The following FSTL5 variants were observed in gnomAD, a reference collection of about 807,000 sequenced individuals.
The protein encoded by FSTL5 is follistatin-related protein 5.
In FSTL5, 62 loss-of-function variants were observed where a neutral mutation model predicts 89.1. The ratio of observed to expected loss-of-function variants is 0.70; its 90% CI spans 0.57 to 0.86. The LOEUF is 0.86. Ranked by LOEUF, FSTL5 falls within the 40% of genes least tolerant of loss-of-function variation. The pLI is 0.00. For synonymous variants in FSTL5, 383 were observed against 346.2 expected, an observed-to-expected ratio of 1.11 and a Z score of -1.18; for missense variants, 1,057 against 1,001.6, an observed-to-expected ratio of 1.06 and a Z score of -0.75.
intron 8 of FSTL5, among the ~76,000 whole-genome samples, chr4:161,575,611 G>C (rs553204938): frequency 1.3e-5 from 2 of 151,910 alleles, no homozygotes; most frequent in Admixed American, 6.6e-5. Flanking sequence ...CTGCTACTGC[G>C]CCTGGCTAAT....
At chr4:161,945,613 G>A (rs138530262) in intron 3 of FSTL5, among the ~76,000 whole-genome samples, 257 of 152,230 alleles carry the variant, frequency 1.7e-3, no homozygotes, top group African/African-American at 5.1e-3. Flanking sequence ...TTAGCCGGGC[G>A]TAGTGGCATG....
At chr4:161,748,602 G>A (rs1194675962) in intron 6 of FSTL5, among the ~76,000 whole-genome samples, 1 of 127,162 alleles carries the variant, frequency 7.9e-6, no homozygotes, top group Non-Finnish European at 1.6e-5. Flanking sequence ...CAAAGGGGAA[G>A]CACGTTTTTT....
chr4:161,869,250 G>GA (rs1347682529), intron 4 of FSTL5, among the ~76,000 whole-genome samples: 2 of 152,236 alleles, frequency 1.3e-5, no homozygotes, highest in South Asian at 2.1e-4. Context: ...ACATCTATGA[G>GA]AAAAAATGTA....
intron 7 of FSTL5, among the ~76,000 whole-genome samples, chr4:161,597,523 A>G (rs1004995548): frequency 3.3e-5 from 5 of 151,724 alleles, no homozygotes; most frequent in African/African-American, 1.2e-4. Flanking sequence ...AGATATACCT[A>G]ATGTAAATGA....
chr4:162,071,449 T>G (rs1729619146), intron 2 of FSTL5, among the ~76,000 whole-genome samples: 1 of 151,572 alleles, frequency 6.6e-6, no homozygotes, highest in African/African-American at 2.4e-5. Context: ...TATATAACAA[T>G]TTCAAATATA....
chr4:162,065,685 T>C (rs1453593569), intron 2 of FSTL5, among the ~76,000 whole-genome samples: 1 of 151,734 alleles, frequency 6.6e-6, no homozygotes, highest in Non-Finnish European at 1.5e-5. Flanking sequence ...AGAACTACCA[T>C]ACAATCCAGC....
intron 1 of FSTL5, among the ~76,000 whole-genome samples, chr4:162,136,473 T>A (rs550675383): frequency 3.3e-5 from 5 of 152,114 alleles, no homozygotes; most frequent in African/African-American, 1.2e-4. Context: ...GAGTTGTAGA[T>A]ATAAGGGTTC....
intron 7 of FSTL5, among the ~76,000 whole-genome samples, chr4:161,596,260 T>A (rs2126617655): frequency 6.6e-6 from 1 of 151,874 alleles, no homozygotes; most frequent in Non-Finnish European, 1.5e-5. Flanking sequence ...GGTAAATACA[T>A]CATTTAAAAA....
intron 7 of FSTL5, among the ~76,000 whole-genome samples, chr4:161,646,210 T>C (rs1736149313): frequency 1.3e-5 from 2 of 148,286 alleles, no homozygotes; most frequent in African/African-American, 4.9e-5. Context: ...ATGTATAATA[T>C]ATATCATGTA....
rs141429026 is a variant in FSTL5, at chr4:162,049,730, A to T, written c.127-16072T>A. 6.9e-3 allele frequency among the ~76,000 whole-genome samples: 1,047 copies of T among 152,208 alleles called. 14 individuals carry two copies. Among genetic ancestry groups the T allele is most frequent in the African/African-American group, 0.024 (997 of 41,536 alleles). ...AGATGAAAATAACTAGATCAATCAG[A>T]AGTACAATTTCCATACAAGAGAAAT... On this transcript the variant is annotated intron_variant, in intron 2 of 15. Transcript: ENST00000306100.
intron 12 of FSTL5, among the ~76,000 whole-genome samples, chr4:161,491,132 C>T (rs1009622003): frequency 2.0e-5 from 3 of 151,562 alleles, no homozygotes; most frequent in Non-Finnish European, 4.4e-5. Context: ...AAATAGGGTT[C>T]CAGGCCACAT....
chr4:161,435,742 A>G (rs1441173767), intron 15 of FSTL5, among the ~76,000 whole-genome samples: 2 of 151,234 alleles, frequency 1.3e-5, no homozygotes, highest in Admixed American at 1.3e-4. Flanking sequence ...ATATTCACAA[A>G]AATTAAAAAC....
At chr4:162,056,449 C>A (rs1738545020) in intron 2 of FSTL5, among the ~76,000 whole-genome samples, 1 of 151,158 alleles carries the variant, frequency 6.6e-6, no homozygotes, top group Admixed American at 6.6e-5. Flanking sequence ...AATTTCTGTA[C>A]ACTTGAAAAA....
chr4:162,074,675 C>T (rs767962067), intron 2 of FSTL5, among the ~76,000 whole-genome samples: 4 of 151,582 alleles, frequency 2.6e-5, no homozygotes, highest in Non-Finnish European at 5.9e-5. Flanking sequence ...ATTTAGGGTA[C>T]ACAATATGAT....
chr4:162,120,353 A>AT lies in FSTL5; in HGVS notation c.-16-8942dup, dbSNP rs1731802978. Among the ~76,000 whole-genome samples the AT allele has an allele frequency of 2.6e-5, 4 of 152,206 alleles. No homozygotes were observed. In the South Asian group the frequency reaches 8.3e-4, roughly 32 times the overall value. ...ATTAGAACCATGTTATGTGGTAAATATTTGTTGTCCAAAACCATCCACACC... is the reference window on the plus strand; with the variant it reads ...ATTAGAACCATGTTATGTGGTAAATATTTTGTTGTCCAAAACCATCCACACC... On this transcript the variant is annotated intron_variant, in intron 1 of 15. Transcript: ENST00000306100.
intron 3 of FSTL5, among the ~76,000 whole-genome samples, chr4:161,975,794 TAAAATAAAAA>T (rs1449497907): frequency 3.5e-5 from 5 of 143,450 alleles, no homozygotes; most frequent in African/African-American, 1.1e-4. Context: ...TAAAATAAAA[TAAAATAAAAA>T]ATAAATAAAA....
chr4:162,147,011 A>T (rs567145553), intron 1 of FSTL5, among the ~76,000 whole-genome samples: 2 of 152,014 alleles, frequency 1.3e-5, no homozygotes, highest in African/African-American at 4.8e-5. Flanking sequence ...CGAACTCCTG[A>T]CCTCAAGTGA....
intron 13 of FSTL5, among the ~76,000 whole-genome samples, chr4:161,474,656 C>T (rs1734065018): frequency 6.6e-6 from 1 of 151,778 alleles, no homozygotes; most frequent in Admixed American, 6.6e-5. Flanking sequence ...AGTGATTCTC[C>T]TGCCTCAGCC....
At chr4:161,879,632 A>G (rs985349273) in intron 4 of FSTL5, among the ~76,000 whole-genome samples, 1 of 152,122 alleles carries the variant, frequency 6.6e-6, no homozygotes, top group African/African-American at 2.4e-5. Flanking sequence ...TACATCCAAT[A>G]TGCCACCACC....
Sources: allele counts gnomAD v4.1 joint callset (sites outside exome capture counted in the v4.1 genomes callset), GRCh38; gene constraint gnomAD v4.1.1; transcripts MANE v1.5; gene names NCBI Gene and HGNC (gene_info 2026-07-23, HGNC 2026-07-21).